The following ZWILCH variants were observed in gnomAD, a reference collection of about 807,000 sequenced individuals.
ZWILCH encodes zwilch kinetochore protein.
A neutral mutation model predicts 79.9 loss-of-function variants in ZWILCH; 74 were observed. That is an observed-to-expected ratio of 0.93 (90% confidence interval 0.77 to 1.12). ZWILCH has a LOEUF of 1.12. Among genes scored for constraint, ZWILCH ranks in the 50% most tolerant of loss-of-function variants. The pLI, the probability that ZWILCH is intolerant of heterozygous loss-of-function variation, is 0.00. For synonymous variants in ZWILCH, 241 were observed against 228.2 expected (o/e 1.06, Z -0.51); for missense variants, 694 against 687.5 (o/e 1.01, Z -0.11).
Position 66,546,644 on chromosome 15 carries a change from A to C in ZWILCH, c.1741A>C (p.Asn581His). The change falls in exon 18 of 19, where the codon AAC (asparagine) becomes CAC (histidine). Residue 581 changes from asparagine (N) to histidine (H), a missense_variant. Coordinates refer to ENST00000307897, the MANE Select transcript of ZWILCH (RefSeq NM_017975.5). ...CCTGGAAGAAAGGATATTCTTTACT[A>C]ACATGGTTACCTGCAGCCAGGTGCA... ...GSLEERIFFT[N>H]MVTCSQVHFK 6.2e-7 allele frequency: 1 copy of C among 1,609,398 alleles called. No homozygotes were observed. The highest frequency in any genetic ancestry group is 2.2e-5 in the East Asian group (1 of 44,684).
At chr15:66,523,807 A>G in intron 8 of ZWILCH, 59 bp downstream of exon 8, 2 of 1,354,582 alleles carry the variant, frequency 1.5e-6, no homozygotes, top group Non-Finnish European at 2.1e-6. Flanking sequence ...CATGTGTGCT[A>G]TTGTTGTTTT....
chr15:66,531,791 G>A (rs949699063), intron 12 of ZWILCH, among the ~76,000 whole-genome samples: 5 of 152,164 alleles, frequency 3.3e-5, no homozygotes, highest in African/African-American at 9.6e-5. Flanking sequence ...CGTTCTGGCC[G>A]AGTGCCATGG....
intron 8 of ZWILCH, among the ~76,000 whole-genome samples, chr15:66,527,029 T>G (rs1894697830): frequency 6.6e-6 from 1 of 152,146 alleles, no homozygotes; most frequent in Admixed American, 6.5e-5. Context: ...ATCCTGAGAC[T>G]ATCAGTTACT....
chr15:66,549,987 G>A lies in ZWILCH; in HGVS notation c.*1663G>A. On this transcript the variant is annotated 3_prime_UTR_variant, in exon 19 of 19. Coordinates refer to ENST00000307897, the MANE Select transcript of ZWILCH (RefSeq NM_017975.5). Reference sequence around the variant, plus strand: ...CATTTTGAGATTTTGAAAATGATATGTATAATTATTTAGTTTAATTATTAA... The same window carrying A: ...CATTTTGAGATTTTGAAAATGATATATATAATTATTTAGTTTAATTATTAA... The A allele has an allele frequency of 3.3e-6, 4 of 1,195,282 alleles. No individual in the cohort carries two copies. The highest frequency in any genetic ancestry group is 3.5e-6 in the Non-Finnish European group (3 of 850,634). 74.0% of individuals were successfully genotyped at this position (1,195,282 alleles called of 1,614,324 possible). A position where few individuals can be genotyped will look rare whatever the true frequency, so the allele number is the denominator to read the frequency against.
chr15:66,539,278 C>T (rs1377139701), intron 16 of ZWILCH, among the ~76,000 whole-genome samples: 2 of 151,910 alleles, frequency 1.3e-5, no homozygotes, highest in African/African-American at 4.8e-5. Flanking sequence ...TGGCATGCAC[C>T]TGTAGTCCCA....
At chr15:66,542,443 G>T (rs1895220608) in intron 17 of ZWILCH, among the ~76,000 whole-genome samples, 1 of 152,162 alleles carries the variant, frequency 6.6e-6, no homozygotes, top group South Asian at 2.1e-4. Flanking sequence ...AACTTAGCCA[G>T]GTGTGGTGGC....
chr15:66,527,964 C>T (rs775215638), intron 10 of ZWILCH, 52 bp downstream of exon 10: 8 of 1,475,798 alleles, frequency 5.4e-6, no homozygotes, highest in East Asian at 2.4e-5. Flanking sequence ...TTTTAAAATT[C>T]GGTTATGCTG....
chr15:66,538,832 T>C (rs889746133), intron 16 of ZWILCH, among the ~76,000 whole-genome samples: 3 of 152,212 alleles, frequency 2.0e-5, no homozygotes, highest in African/African-American at 7.2e-5. Context: ...TCTTTTCAAG[T>C]ACTTCTTCTT....
At position 66,529,659 on chromosome 15, in the gene ZWILCH, C is replaced by T. The variant is rs1280530534; in HGVS notation, c.1155+86C>T. ...AGGCTCTGAAGCCAACTGCCTGAGT[C>T]TGAATTTCAGCTCTGCTACTTTCTA... On this transcript the variant is annotated intron_variant, in intron 12 of 18. Coordinates refer to ENST00000307897, the MANE Select transcript of ZWILCH (RefSeq NM_017975.5). 3.9e-6 allele frequency: 4 copies of T among 1,030,592 alleles called. No individual in the cohort carries two copies. In the African/African-American group the frequency reaches 6.4e-5, roughly 16 times the overall value. The allele number at this position is 1,030,592 out of a possible 1,614,324, so 63.8% of individuals were successfully genotyped here. A position where few individuals can be genotyped will look rare whatever the true frequency, so the allele number is the denominator to read the frequency against.
In ZWILCH at chr15:66,548,415, G is replaced by A; in HGVS notation, c.*91G>A. On this transcript the variant is annotated 3_prime_UTR_variant, in exon 19 of 19. Transcript: ENST00000307897. ...GTAGAACCTGAAAACAGCAATGTAT[G>A]GAAACCCTCAAAGCAGAAAAGGGAG... 5.7e-6 allele frequency: 4 copies of A among 699,764 alleles called. No homozygotes were observed. The highest frequency in any genetic ancestry group is 5.1e-4 in the Middle Eastern group (2 of 3,904). The allele number at this position is 699,764 out of a possible 1,614,324, so 43.3% of individuals were successfully genotyped here.
At chr15:66,543,082 C>T (rs1477375786) in intron 17 of ZWILCH, among the ~76,000 whole-genome samples, 1 of 152,096 alleles carries the variant, frequency 6.6e-6, no homozygotes, top group Non-Finnish European at 1.5e-5. Flanking sequence ...GCCTATAATC[C>T]CAGCTACTTG....
At chr15:66,517,592 T>G (rs1414658267) in intron 4 of ZWILCH, among the ~76,000 whole-genome samples, 1 of 150,068 alleles carries the variant, frequency 6.7e-6, no homozygotes, top group South Asian at 2.1e-4. Context: ...CATGGAACAA[T>G]GATGAGAATC....
intron 16 of ZWILCH, among the ~76,000 whole-genome samples, chr15:66,538,942 A>C (rs967271115): frequency 1.3e-5 from 2 of 152,150 alleles, no homozygotes; most frequent in African/African-American, 4.8e-5. Flanking sequence ...CAACTTGTCT[A>C]GGCTAACGAT....
chr15:66,549,969 A>G lies in ZWILCH; in HGVS notation c.*1645A>G. On this transcript the variant is annotated 3_prime_UTR_variant, in exon 19 of 19. Transcript: ENST00000307897. ...TGACTTCAAGTAGAGCCACATTTTGAGATTTTGAAAATGATATGTATAATT... is the reference window on the plus strand; with the variant it reads ...TGACTTCAAGTAGAGCCACATTTTGGGATTTTGAAAATGATATGTATAATT... 1 of 1,027,506 alleles carries G rather than the reference A, an allele frequency of 9.7e-7. No homozygotes were observed. Among genetic ancestry groups the G allele is most frequent in the Non-Finnish European group, 1.4e-6 (1 of 724,052 alleles). The allele number at this position is 1,027,506 out of a possible 1,614,324, so 63.6% of individuals were successfully genotyped here.
chr15:66,513,930 T>G, intron 2 of ZWILCH, 58 bp from the exon 3 acceptor site: 2 of 1,352,632 alleles, frequency 1.5e-6, no homozygotes, highest in Non-Finnish European at 2.1e-6. Context: ...CTTTATGTGT[T>G]TAGATAGTAG....
Position 66,521,041 on chromosome 15 carries a change from T to G in ZWILCH, c.592-9T>G, listed in dbSNP as rs112681165. On this transcript the variant is annotated splice_polypyrimidine_tract_variant and intron_variant, in intron 6 of 18. Transcript: ENST00000307897. ...CAGCTAAATGATCTGCTGGGTACAC[T>G]CTTTTCAGGTAACATCCAAAGGCTT... 4,026 of 1,613,858 alleles carry G rather than the reference T, an allele frequency of 2.5e-3. 78 individuals carry two copies. The African/African-American group carries it at 0.046, about 19-fold the overall frequency.
At chr15:66,517,428 G>GTGTGTGTA (rs1479759555) in intron 4 of ZWILCH, among the ~76,000 whole-genome samples, 1 of 22,488 alleles carries the variant, frequency 4.4e-5, no homozygotes, top group Non-Finnish European at 7.1e-5. Context: ...GTGTGTGTGT[G>GTGTGTGTA]TGTATATATA....
At chr15:66,546,532 T>C (rs1430879421) in intron 17 of ZWILCH, 59 bp from the exon 18 acceptor site, 14 of 1,170,944 alleles carry the variant, frequency 1.2e-5, no homozygotes, top group Non-Finnish European at 1.6e-5. Context: ...TTCAGCATTA[T>C]ACATGGTAGA....
intron 2 of ZWILCH, among the ~76,000 whole-genome samples, chr15:66,509,503 T>C (rs1166804451): frequency 6.6e-6 from 1 of 152,190 alleles, no homozygotes; most frequent in East Asian, 1.9e-4. Flanking sequence ...GTATCAACAA[T>C]TCATTCTATT....
Sources: allele counts gnomAD v4.1 joint callset (sites outside exome capture counted in the v4.1 genomes callset), GRCh38; gene constraint gnomAD v4.1.1; transcripts MANE v1.5; gene names NCBI Gene and HGNC (gene_info 2026-07-23, HGNC 2026-07-21).